PICALM: variants seen among roughly 807,000 people sequenced by gnomAD.
PICALM encodes phosphatidylinositol-binding clathrin assembly protein.
Under a neutral mutation model 80.5 loss-of-function variants are expected in PICALM, and 40 were observed. The observed-to-expected ratio is 0.50, with a 90% CI of 0.39 to 0.65. The LOEUF is 0.65. Among genes scored for constraint, PICALM ranks in the 30% least tolerant of loss-of-function variants. The probability of loss-of-function intolerance (pLI) is 0.00; values close to 1 mark genes in which losing one functional copy is unlikely to be tolerated. For missense variants in PICALM, 676 were observed against 778.9 expected (o/e 0.87, Z 1.57); for synonymous variants, 288 against 260.3 (o/e 1.11, Z -1.02).
intron 1 of PICALM, among the ~76,000 whole-genome samples, chr11:86,047,974 A>AC (rs1175840747): frequency 2.6e-5 from 4 of 151,848 alleles, no homozygotes; most frequent in Non-Finnish European, 4.4e-5. Context: ...GGTGGCGGGC[A>AC]CCTGTAATCC....
chr11:86,011,607 T>C (rs1265085461), intron 6 of PICALM, among the ~76,000 whole-genome samples: 2 of 152,184 alleles, frequency 1.3e-5, no homozygotes, highest in African/African-American at 4.8e-5. Flanking sequence ...CAAAGCTTTA[T>C]AGAAAAACCT....
intron 13 of PICALM, 114 bp downstream of exon 13, chr11:85,990,136 G>T: frequency 7.0e-5 from 32 of 460,196 alleles, no homozygotes; most frequent in Middle Eastern, 6.5e-4. Context: ...TTTAGAATTT[G>T]ATATTAAAAT....
chr11:85,999,006 A>C (rs1227973423), intron 11 of PICALM, among the ~76,000 whole-genome samples: 2 of 152,200 alleles, frequency 1.3e-5, no homozygotes, highest in African/African-American at 2.4e-5. Flanking sequence ...TATTTATGGG[A>C]TACATATGAT....
chr11:86,033,185 A>G (rs913947746), intron 1 of PICALM, among the ~76,000 whole-genome samples: 1 of 152,190 alleles, frequency 6.6e-6, no homozygotes, highest in African/African-American at 2.4e-5. Context: ...CACTGAACAT[A>G]TTACACTAGA....
At chr11:86,012,889 GATA>G (rs959370481) in intron 5 of PICALM, among the ~76,000 whole-genome samples, 5 of 151,670 alleles carry the variant, frequency 3.3e-5, no homozygotes, top group Admixed American at 2.0e-4. Flanking sequence ...AATACATATG[GATA>G]ATAACGTGAA....
chr11:86,064,214 T>C (rs2096410799), intron 1 of PICALM, among the ~76,000 whole-genome samples: 1 of 152,202 alleles, frequency 6.6e-6, no homozygotes, highest in African/African-American at 2.4e-5. Context: ...TAGATCCAGT[T>C]CACAACATAC....
rs1444989013 is a variant in PICALM at position 86,026,260 on chromosome 11, T to C, written c.349+32A>G. ...TAATCATCATGTGGGTGTCATTCTT[T>C]TGATTTTCTATAATGTAAAAGTTAT... is the stretch of plus-strand genomic sequence containing the variant. On this transcript the variant is annotated intron_variant, in intron 3 of 19. Transcript: ENST00000393346. 8 of 1,225,060 alleles carry C rather than the reference T, an allele frequency of 6.5e-6. No individual in the cohort carries two copies. In the African/African-American group the frequency reaches 7.4e-5, roughly 11 times the overall value. 75.9% of individuals were successfully genotyped at this position (1,225,060 alleles called of 1,614,324 possible).
chr11:86,008,463 T>C (rs1295482461), intron 7 of PICALM, among the ~76,000 whole-genome samples: 1 of 151,862 alleles, frequency 6.6e-6, no homozygotes, highest in African/African-American at 2.4e-5. Context: ...CTACTAAAAA[T>C]ACAAAAATTA....
chr11:86,047,132 A>G (rs2096086229), intron 1 of PICALM, among the ~76,000 whole-genome samples: 1 of 152,226 alleles, frequency 6.6e-6, no homozygotes, highest in Non-Finnish European at 1.5e-5. Context: ...CTAGCAGGAT[A>G]GATGAAGACA....
intron 11 of PICALM, among the ~76,000 whole-genome samples, chr11:85,997,204 T>G (rs942351828): frequency 1.3e-5 from 2 of 152,144 alleles, no homozygotes; most frequent in African/African-American, 4.8e-5. Context: ...AAAAACTAAT[T>G]TCCCTATTAA....
chr11:86,038,916 C>T (rs540377040), intron 1 of PICALM, among the ~76,000 whole-genome samples: 1 of 152,168 alleles, frequency 6.6e-6, no homozygotes, highest in African/African-American at 2.4e-5. Context: ...TTGAGACCAG[C>T]CTGGCCAACA....
intron 1 of PICALM, among the ~76,000 whole-genome samples, chr11:86,066,454 C>T (rs1301178835): frequency 6.6e-6 from 1 of 152,144 alleles, no homozygotes; most frequent in African/African-American, 2.4e-5. Flanking sequence ...AAAAGAACGA[C>T]AAATGCAAGA....
intron 4 of PICALM, among the ~76,000 whole-genome samples, chr11:86,020,847 A>G (rs2095551520): frequency 6.6e-6 from 1 of 152,234 alleles, no homozygotes; most frequent in South Asian, 2.1e-4. Context: ...ACATGATTAC[A>G]AAAGTACAAG....
chr11:85,958,498 A>G lies in PICALM; in HGVS notation c.*548T>C, dbSNP rs2093586623. On this transcript the variant is annotated 3_prime_UTR_variant, in exon 20 of 20. Transcript: ENST00000393346. ...TGTTATGTAAAATTGATAATCATAA[A>G]TAAATACAAATACTTAAGGAATGTC... The G allele has an allele frequency of 4.8e-6, 1 of 208,824 alleles. No homozygotes were observed. Among genetic ancestry groups the G allele is most frequent in the Non-Finnish European group, 9.8e-6 (1 of 102,400 alleles). The allele number at this position is 208,824 out of a possible 1,614,324, so 12.9% of individuals were successfully genotyped here.
intron 3 of PICALM, among the ~76,000 whole-genome samples, chr11:86,025,386 G>A (rs555284857): frequency 6.0e-4 from 91 of 151,726 alleles, no homozygotes; most frequent in Non-Finnish European, 8.2e-4. Flanking sequence ...GTGACAGAAC[G>A]AGACTTCGTC....
intron 18 of PICALM, among the ~76,000 whole-genome samples, chr11:85,975,484 A>C (rs1203354851): frequency 6.6e-6 from 1 of 152,070 alleles, no homozygotes. Context: ...GTTAAAATGC[A>C]ATGCTCTAAA....
chr11:86,055,200 C>G (rs1473880229), intron 1 of PICALM, among the ~76,000 whole-genome samples: 1 of 151,694 alleles, frequency 6.6e-6, no homozygotes, highest in East Asian at 1.9e-4. Flanking sequence ...CGTGGTGGCA[C>G]ACGTCTGTAA....
intron 2 of PICALM, among the ~76,000 whole-genome samples, chr11:86,027,045 TAACTC>T (rs2095659320): frequency 6.6e-6 from 1 of 152,238 alleles, no homozygotes; most frequent in African/African-American, 2.4e-5. Flanking sequence ...CAATGTGTTT[TAACTC>T]AACTTTTCCC....
chr11:86,028,970 T>C (rs2095701350), intron 2 of PICALM, among the ~76,000 whole-genome samples: 1 of 152,048 alleles, frequency 6.6e-6, no homozygotes, highest in Non-Finnish European at 1.5e-5. Context: ...CCTGAGTAGC[T>C]GGGATTACAT....
Sources: gnomAD v4.1 joint callset for allele counts (sites outside exome capture counted in the v4.1 genomes callset) on GRCh38, gnomAD v4.1.1 for gene constraint, MANE v1.5 for transcripts, NCBI Gene and HGNC (gene_info 2026-07-23, HGNC 2026-07-21) for gene names.